The following SDK1 variants were observed in gnomAD, a reference collection of about 807,000 sequenced individuals.
SDK1 encodes sidekick cell adhesion molecule 1, also known as protein sidekick-1.
A neutral mutation model predicts 245.5 loss-of-function variants in SDK1; 157 were observed. The observed-to-expected ratio is 0.64, with a 90% CI of 0.56 to 0.73. The LOEUF (loss-of-function observed/expected upper bound fraction) is 0.73. SDK1 is among the 30% of genes least tolerant of loss of function. The pLI is 0.00. For synonymous variants in SDK1, 1,647 were observed against 1,278.5 expected (o/e 1.29, Z -6.15); for missense variants, 3,583 against 3,002.3 (o/e 1.19, Z -4.52).
chr7:3,659,166 G>T (rs886369216), intron 4 of SDK1, among the ~76,000 whole-genome samples: 1 of 151,850 alleles, frequency 6.6e-6, no homozygotes, highest in Non-Finnish European at 1.5e-5. Flanking sequence ...ATATTTCACC[G>T]GGTTCTTTTT....
chr7:4,158,391 C>G, intron 30 of SDK1, 57 bp from the exon 31 acceptor site: 1 of 1,417,746 alleles, frequency 7.1e-7, no homozygotes. Flanking sequence ...CCAGGAATGC[C>G]TGAGGGCAGG....
chr7:4,118,174 C>G (rs1187840275), intron 25 of SDK1, among the ~76,000 whole-genome samples: 1 of 152,078 alleles, frequency 6.6e-6, no homozygotes, highest in Non-Finnish European at 1.5e-5. Context: ...AAAATATTTG[C>G]AAATTATGTA....
At chr7:3,882,509 C>T (rs962417608) in intron 5 of SDK1, among the ~76,000 whole-genome samples, 1 of 152,234 alleles carries the variant, frequency 6.6e-6, no homozygotes, top group African/African-American at 2.4e-5. Context: ...TGTTTGGACT[C>T]AGTAAATACC....
chr7:3,378,947 C>T (rs1474107184), intron 1 of SDK1, among the ~76,000 whole-genome samples: 1 of 151,672 alleles, frequency 6.6e-6, no homozygotes, highest in Admixed American at 6.6e-5. Context: ...CCGGAGCAGA[C>T]CCCTGAGTCA....
intron 29 of SDK1, among the ~76,000 whole-genome samples, chr7:4,148,787 G>C (rs1780156880): frequency 6.6e-6 from 1 of 152,234 alleles, no homozygotes; most frequent in African/African-American, 2.4e-5. Context: ...GCTGGGTGTA[G>C]TGGCTCACGC....
At chr7:4,105,037 G>A (rs772939106) in intron 22 of SDK1, among the ~76,000 whole-genome samples, 28 of 152,014 alleles carry the variant, frequency 1.8e-4, no homozygotes, top group South Asian at 6.2e-4. Context: ...GGCTGGTGTG[G>A]AGAGGCACAA....
intron 17 of SDK1, among the ~76,000 whole-genome samples, chr7:4,032,845 G>C (rs554709155): frequency 6.6e-6 from 1 of 152,212 alleles, no homozygotes; most frequent in Admixed American, 6.5e-5. Flanking sequence ...CAAACGGACC[G>C]TGTTTTTGAA....
chr7:3,676,205 G>A (rs190090649), intron 4 of SDK1, among the ~76,000 whole-genome samples: 1 of 151,892 alleles, frequency 6.6e-6, no homozygotes, highest in Admixed American at 6.6e-5. Flanking sequence ...TTTTTGTGGA[G>A]ACGGGGTCTC....
chr7:3,549,186 A>G (rs1438107478), intron 1 of SDK1, among the ~76,000 whole-genome samples: 1 of 152,206 alleles, frequency 6.6e-6, no homozygotes, highest in Non-Finnish European at 1.5e-5. Context: ...GTTCTTTTTG[A>G]TAGAATTTGG....
At chr7:3,970,714 G>T (rs563738421) in intron 11 of SDK1, among the ~76,000 whole-genome samples, 6 of 152,182 alleles carry the variant, frequency 3.9e-5, no homozygotes, top group Admixed American at 6.5e-5. Context: ...CACACACTCT[G>T]CCCACTTTAA....
intron 44 of SDK1, among the ~76,000 whole-genome samples, chr7:4,259,242 C>T (rs140838185): frequency 1.2e-4 from 18 of 152,122 alleles, no homozygotes; most frequent in Admixed American, 1.0e-3. Context: ...AGTTCGAGAC[C>T]AGCCTGGCCA....
intron 4 of SDK1, among the ~76,000 whole-genome samples, chr7:3,803,745 CTT>C (rs60802259): frequency 2.8e-3 from 330 of 119,960 alleles, no homozygotes; most frequent in African/African-American, 8.4e-3. Flanking sequence ...GTATTTTCCT[CTT>C]TTTTTTTTTT....
At chr7:3,871,786 T>C (rs1373385615) in intron 5 of SDK1, among the ~76,000 whole-genome samples, 1 of 152,138 alleles carries the variant, frequency 6.6e-6, no homozygotes, top group African/African-American at 2.4e-5. Context: ...AGGCCCCACC[T>C]CCAACACTGG....
chr7:3,737,859 C>G lies in SDK1; in HGVS notation c.714-83591C>G, dbSNP rs182087670. On this transcript the variant is annotated intron_variant, in intron 4 of 44. Coordinates refer to ENST00000404826, the MANE Select transcript of SDK1 (RefSeq NM_152744.4). The stretch of plus-strand genomic sequence containing the variant: ...AGGGGAAGTCTCTTTGTCTAGTGCT[C>G]TACCAGACTGGGGAGGGGCAGCATG... Among the ~76,000 whole-genome samples the G allele has an allele frequency of 2.6e-5, 4 of 152,180 alleles. No individual in the cohort carries two copies. In the South Asian group the frequency reaches 8.3e-4, roughly 32 times the overall value.
chr7:4,214,866 G>A (rs896367009), intron 38 of SDK1, among the ~76,000 whole-genome samples: 12 of 152,340 alleles, frequency 7.9e-5, no homozygotes, highest in Admixed American at 3.9e-4. Flanking sequence ...CCACAACACC[G>A]TCAGTCTGCA....
chr7:3,622,160 A>G (rs1315440208), intron 2 of SDK1, among the ~76,000 whole-genome samples: 3 of 152,138 alleles, frequency 2.0e-5, no homozygotes, highest in Non-Finnish European at 4.4e-5. Context: ...ACACCTTCAT[A>G]AGGCTAGCAG....
At chr7:3,726,999 A>G (rs935188276) in intron 4 of SDK1, among the ~76,000 whole-genome samples, 4 of 152,258 alleles carry the variant, frequency 2.6e-5, no homozygotes, top group African/African-American at 9.6e-5. Flanking sequence ...TTCCTGATAA[A>G]TTGACCATGA....
intron 20 of SDK1, among the ~76,000 whole-genome samples, chr7:4,070,418 G>T (rs10248826): frequency 6.6e-6 from 1 of 152,098 alleles, no homozygotes; most frequent in African/African-American, 2.4e-5. Flanking sequence ...GAGCCACCTC[G>T]GGCTGGAGGC....
intron 14 of SDK1, among the ~76,000 whole-genome samples, chr7:3,995,777 G>C (rs1394535691): frequency 6.7e-6 from 1 of 150,280 alleles, no homozygotes; most frequent in Non-Finnish European, 1.5e-5. Context: ...GCTATGATCT[G>C]TTCATTTTCT....
Sources: allele counts gnomAD v4.1 joint callset (sites outside exome capture counted in the v4.1 genomes callset), GRCh38; gene constraint gnomAD v4.1.1; transcripts MANE v1.5; gene names NCBI Gene and HGNC (gene_info 2026-07-23, HGNC 2026-07-21).